Variants in ERC1 observed in about 807,000 individuals in gnomAD.
The protein encoded by ERC1 is RAB6 interacting protein 2.
A neutral mutation model predicts 132.0 loss-of-function variants in ERC1; 56 were observed. The observed-to-expected ratio is 0.42, with a 90% CI of 0.34 to 0.53. The LOEUF is 0.53. ERC1 is among the 20% of genes least tolerant of loss of function. The pLI, the probability that ERC1 is intolerant of heterozygous loss-of-function variation, is 0.03. For synonymous variants in ERC1, 478 were observed against 476.1 expected, an observed-to-expected ratio of 1.00 and a Z score of -0.05; for missense variants, 1,202 against 1,349.9, an observed-to-expected ratio of 0.89 and a Z score of 1.72.
At chr12:1,316,976 A>C (rs766699740) in intron 15 of ERC1, among the ~76,000 whole-genome samples, 1 of 152,136 alleles carries the variant, frequency 6.6e-6, no homozygotes, top group African/African-American at 2.4e-5. Flanking sequence ...CCTGGCCAAC[A>C]TGGTGAAACC....
chr12:1,366,574 T>TA (rs1287241405), intron 15 of ERC1, among the ~76,000 whole-genome samples: 2 of 152,136 alleles, frequency 1.3e-5, no homozygotes, highest in Non-Finnish European at 2.9e-5. Flanking sequence ...AGAAATGGGT[T>TA]AAAAAATTGT....
chr12:1,007,540 C>CTCTCTCTCTCTCTCTCTCTCTGTGTG (rs1555194875), intron 1 of ERC1, among the ~76,000 whole-genome samples: 5 of 122,708 alleles, frequency 4.1e-5, no homozygotes, highest in African/African-American at 1.9e-4. Flanking sequence ...CTCTCTCTCT[C>CTCTCTCTCTCTCTCTCTCTCTGTGTG]TGTGTGTGTG....
Position 1,493,540 on chromosome 12 carries a change from A to ATATATATAT in ERC1, c.*3310_*3311insTATATATAT, listed in dbSNP as rs59708005. The stretch of plus-strand genomic sequence containing the variant: ...TGACAGAGACTCCATTTAAAAAAAA[A>ATATATATAT]AAAAAAAAATATATATATATATATA... On this transcript the variant is annotated 3_prime_UTR_variant, in exon 19 of 19. Coordinates refer to ENST00000360905, the MANE Select transcript of ERC1 (RefSeq NM_178040.4). 8 of 22,388 alleles carry ATATATATAT rather than the reference A, an allele frequency of 3.6e-4. No individual in the cohort carries two copies. Among genetic ancestry groups the ATATATATAT allele is most frequent in the East Asian group, 1.7e-3 (1 of 606 alleles). The allele number at this position is 22,388 out of a possible 1,614,324, so 1.4% of individuals were successfully genotyped here.
chr12:1,035,467 C>T (rs1592840052), intron 2 of ERC1, among the ~76,000 whole-genome samples: 1 of 152,264 alleles, frequency 6.6e-6, no homozygotes, highest in East Asian at 1.9e-4. Context: ...CCTTTTGTTA[C>T]TGAACTTTCA....
chr12:1,172,279 G>A (rs1953148853), intron 8 of ERC1, among the ~76,000 whole-genome samples: 1 of 152,166 alleles, frequency 6.6e-6, no homozygotes, highest in African/African-American at 2.4e-5. Flanking sequence ...AGACCAGCCT[G>A]GGCAATGTTG....
At chr12:1,422,247 T>C (rs547170407) in intron 17 of ERC1, among the ~76,000 whole-genome samples, 2 of 152,366 alleles carry the variant, frequency 1.3e-5, no homozygotes, top group South Asian at 2.1e-4. Flanking sequence ...GGGAGTGAGC[T>C]TGTGACGTTA....
intron 17 of ERC1, among the ~76,000 whole-genome samples, chr12:1,409,955 C>T (rs1304782548): frequency 6.6e-6 from 1 of 151,998 alleles, no homozygotes; most frequent in Non-Finnish European, 1.5e-5. Flanking sequence ...GTGATCTGCC[C>T]GCCTTGGCCT....
At chr12:1,214,449 G>T (rs150632788) in intron 12 of ERC1, among the ~76,000 whole-genome samples, 2 of 152,034 alleles carry the variant, frequency 1.3e-5, no homozygotes, top group Admixed American at 6.6e-5. Context: ...GGTTATTATG[G>T]TATTATATTT....
chr12:1,233,037 CTAAAA>C (rs1456227775), intron 12 of ERC1, among the ~76,000 whole-genome samples: 8 of 152,064 alleles, frequency 5.3e-5, no homozygotes, highest in African/African-American at 1.9e-4. Context: ...TAAAAAGTTA[CTAAAA>C]TAATTTATTC....
chr12:1,467,821 T>A (rs1327608049), intron 18 of ERC1, among the ~76,000 whole-genome samples: 9 of 152,190 alleles, frequency 5.9e-5, no homozygotes, highest in Non-Finnish European at 1.0e-4. Flanking sequence ...GGCATTAGAT[T>A]CTCATAAGGA....
intron 15 of ERC1, among the ~76,000 whole-genome samples, chr12:1,349,508 A>G (rs2084797115): frequency 6.6e-6 from 1 of 152,090 alleles, no homozygotes; most frequent in African/African-American, 2.4e-5. Context: ...ACTAAAAAAT[A>G]CAAAAATTAG....
intron 2 of ERC1, among the ~76,000 whole-genome samples, chr12:1,044,874 A>G (rs1361890070): frequency 6.6e-6 from 1 of 152,096 alleles, no homozygotes; most frequent in East Asian, 1.9e-4. Flanking sequence ...TTACAGTCAT[A>G]TTCATTATTT....
chr12:1,056,115 C>G (rs1972914316), intron 2 of ERC1, among the ~76,000 whole-genome samples: 1 of 147,420 alleles, frequency 6.8e-6, no homozygotes, highest in South Asian at 2.1e-4. Flanking sequence ...CAGAGAAAAA[C>G]TGTTTTAAAG....
chr12:1,336,811 T>G (rs981931304), intron 15 of ERC1, among the ~76,000 whole-genome samples: 1 of 152,058 alleles, frequency 6.6e-6, no homozygotes, highest in Non-Finnish European at 1.5e-5. Flanking sequence ...TAATTTTTTT[T>G]TTTTTTGAGA....
chr12:1,346,959 AAAGAG>A (rs2084530926), intron 15 of ERC1, among the ~76,000 whole-genome samples: 1 of 151,266 alleles, frequency 6.6e-6, no homozygotes, highest in Admixed American at 6.6e-5. Flanking sequence ...AAAAAAAAAA[AAAGAG>A]AGAGATGATG....
chr12:1,448,859 G>A (rs1270991106), intron 18 of ERC1, among the ~76,000 whole-genome samples: 2 of 152,192 alleles, frequency 1.3e-5, no homozygotes, highest in African/African-American at 4.8e-5. Context: ...TAGATCCACC[G>A]CTGGTTTGCA....
chr12:1,225,455 C>A (rs796258858), intron 12 of ERC1, among the ~76,000 whole-genome samples: 7,858 of 138,540 alleles, frequency 0.057, 389 homozygotes, highest in African/African-American at 0.13. Flanking sequence ...CTCTTACACA[C>A]ACACACACAC....
intron 13 of ERC1, among the ~76,000 whole-genome samples, chr12:1,261,552 G>A (rs1399419700): frequency 1.3e-5 from 2 of 151,968 alleles, no homozygotes; most frequent in South Asian, 2.1e-4. Context: ...TTGTTTTGAC[G>A]GGCATCGTTC....
chr12:1,333,317 G>A (rs2083030828), intron 15 of ERC1, among the ~76,000 whole-genome samples: 1 of 148,292 alleles, frequency 6.7e-6, no homozygotes, highest in Non-Finnish European at 1.5e-5. Context: ...ATTCCGTGGT[G>A]TATATGTACC....
Sources: gnomAD v4.1 joint callset for allele counts (sites outside exome capture counted in the v4.1 genomes callset) on GRCh38, gnomAD v4.1.1 for gene constraint, MANE v1.5 for transcripts, NCBI Gene and HGNC (gene_info 2026-07-23, HGNC 2026-07-21) for gene names.